LRRK1: variants seen among roughly 807,000 people sequenced by gnomAD.
LRRK1 encodes leucine-rich repeat serine/threonine-protein kinase 1.
A neutral mutation model predicts 209.1 loss-of-function variants in LRRK1; 113 were observed. That is an observed-to-expected ratio of 0.54 (90% CI 0.46 to 0.63). The LOEUF (loss-of-function observed/expected upper bound fraction) is 0.63, where lower values mean the gene tolerates loss of function less well. Ranked by LOEUF, LRRK1 falls within the 30% of genes least tolerant of loss-of-function variation. The probability of loss-of-function intolerance (pLI) is 0.00; values close to 1 mark genes in which losing one functional copy is unlikely to be tolerated. For missense variants in LRRK1, 2,284 were observed against 2,632.2 expected (o/e 0.87, Z 2.89); for synonymous variants, 1,144 against 1,099.7 (o/e 1.04, Z -0.80).
At position 101,015,383 on chromosome 15, in the gene LRRK1, G is replaced by A. The variant is rs754659010; in HGVS notation, c.1590G>A (p.Gln530=). Residue 530 remains glutamine (Q), a synonymous_variant, in exon 12 of 34, where the codon CAG becomes CAA. Transcript: ENST00000388948. ...RIAFFTTRGR[Q]RSGTEAASVL... The stretch of plus-strand genomic sequence containing the variant: ...CCTTTTTCACCACCAGAGGTCGCCA[G>A]CGCTCCGGGACTGAGGCAGGTGTGT... 1.2e-6 allele frequency: 2 copies of A among 1,613,694 alleles called. No individual in the cohort carries two copies. The highest frequency in any genetic ancestry group is 8.5e-7 in the Non-Finnish European group (1 of 1,179,748).
At position 101,027,735 on chromosome 15, in the gene LRRK1, T is replaced by C; in HGVS notation, c.2624T>C (p.Leu875Pro). Residue 875 changes from leucine (L) to proline (P), a missense_variant, in exon 19 of 34, where the codon CTG (leucine) becomes CCG (proline). This residue lies in a region of LRRK1 where 780 missense variants were observed against 985.2 expected (regional missense o/e 0.79). Transcript: ENST00000388948. The surrounding 1 kb of genome is among the most constrained non-coding windows in gnomAD (Gnocchi z 5.1). ...DDVQYLTDRQ[L>P]EQLVEQTPDN... ...GTGCAGTACCTGACGGACAGGCAGC[T>C]GGAGCAGCTGGTGGAGCAGACGCCC... 6.2e-7 allele frequency: 1 copy of C among 1,609,344 alleles called. No homozygotes were observed. Among genetic ancestry groups the C allele is most frequent in the South Asian group, 1.1e-5 (1 of 89,996 alleles).
chr15:100,972,187 T>A (rs556735042), intron 2 of LRRK1, among the ~76,000 whole-genome samples: 2 of 152,156 alleles, frequency 1.3e-5, no homozygotes, highest in East Asian at 3.9e-4. Flanking sequence ...GGTCTCGAAC[T>A]CCTGACCTCA....
At chr15:100,980,999 A>G (rs1030212925) in intron 3 of LRRK1, among the ~76,000 whole-genome samples, 3 of 152,246 alleles carry the variant, frequency 2.0e-5, no homozygotes, top group Admixed American at 6.5e-5. Context: ...TGAAAAAAGC[A>G]TTTGGTTGTA....
intron 2 of LRRK1, among the ~76,000 whole-genome samples, chr15:100,926,788 G>A (rs2042124183): frequency 1.4e-5 from 2 of 142,904 alleles, no homozygotes; most frequent in South Asian, 2.2e-4. Flanking sequence ...AGGTTCAAGT[G>A]ATTCTCCTGC....
chr15:101,030,592 G>A (rs996083676), intron 20 of LRRK1, among the ~76,000 whole-genome samples: 1 of 152,016 alleles, frequency 6.6e-6, no homozygotes, highest in Non-Finnish European at 1.5e-5. Flanking sequence ...CCACGGAACT[G>A]TGCTCAGGGA....
Position 101,008,895 on chromosome 15 carries a change from T to C in LRRK1, c.821T>C (p.Ile274Thr). 1 of 1,614,218 alleles carries C rather than the reference T, an allele frequency of 6.2e-7. No individual in the cohort carries two copies. The highest frequency in any genetic ancestry group is 8.5e-7 in the Non-Finnish European group (1 of 1,180,034). ...CCCTGGGTAGACCTAGACTGGCTCA[T>C]AGACATCTCCTGCCAGATCACGGAG... ...RLPWVDLDWLIDISCQITELD... is the reference protein window; with the variant it reads ...RLPWVDLDWLTDISCQITELD... The change falls in exon 7 of 34, where the codon ATA becomes ACA. Residue 274 changes from isoleucine (I) to threonine (T), a missense_variant. Coordinates refer to ENST00000388948, the MANE Select transcript of LRRK1 (RefSeq NM_024652.6).
chr15:101,045,801 A>T (rs2035041789), intron 20 of LRRK1, among the ~76,000 whole-genome samples, 180 bp from the exon 21 acceptor site: 1 of 152,218 alleles, frequency 6.6e-6, no homozygotes, highest in Non-Finnish European at 1.5e-5. Context: ...ATTTATTCTT[A>T]GCATATAAAC....
chr15:100,949,527 A>G (rs1407158298), intron 2 of LRRK1, among the ~76,000 whole-genome samples: 1 of 152,214 alleles, frequency 6.6e-6, no homozygotes, highest in Non-Finnish European at 1.5e-5. Context: ...AATTCAGTCT[A>G]TGAAACCAGT....
At chr15:100,963,458 C>T (rs1225326218) in intron 2 of LRRK1, among the ~76,000 whole-genome samples, 1 of 152,172 alleles carries the variant, frequency 6.6e-6, no homozygotes, top group Admixed American at 6.5e-5. Context: ...AGCAGAGTCA[C>T]CTCCTTCCTA....
intron 3 of LRRK1, among the ~76,000 whole-genome samples, chr15:100,982,054 G>A (rs548944191): frequency 9.3e-5 from 14 of 149,870 alleles, no homozygotes; most frequent in African/African-American, 3.4e-4. Context: ...GTGTTGATGG[G>A]GGCACTCGCC....
At position 101,034,757 on chromosome 15, in the gene LRRK1, G is replaced by A. The variant is rs561711657; in HGVS notation, c.2963+5525G>A. ...TTCAATCTCTTGTTTGGTTCCATAT[G>A]AATTTTAGAATCCATTATTGATCTG... On this transcript the variant is annotated intron_variant, in intron 20 of 33. Coordinates refer to ENST00000388948, the MANE Select transcript of LRRK1 (RefSeq NM_024652.6). Among the ~76,000 whole-genome samples, 3 of 152,110 alleles carry A rather than the reference G, an allele frequency of 2.0e-5. No homozygotes were observed. The East Asian group carries it at 5.8e-4, about 29-fold the overall frequency.
At chr15:101,052,468 A>G (rs2035518023) in intron 24 of LRRK1, among the ~76,000 whole-genome samples, 1 of 148,108 alleles carries the variant, frequency 6.8e-6, no homozygotes, top group Non-Finnish European at 1.5e-5. Context: ...CTTCTTTGTC[A>G]AACGCTGACT....
chr15:101,062,451 C>T lies in LRRK1; in HGVS notation c.4798-123C>T, dbSNP rs541105353. ...AAACAACCCACCAGAACGTGTCAAT[C>T]CATGTAACTTTCCAAGACCCATAGG... On this transcript the variant is annotated intron_variant, in intron 30 of 33. Coordinates refer to ENST00000388948, the MANE Select transcript of LRRK1 (RefSeq NM_024652.6). 6 of 702,108 alleles carry T rather than the reference C, an allele frequency of 8.5e-6. No homozygotes were observed. In the African/African-American group the frequency reaches 8.8e-5, roughly 10 times the overall value. 43.5% of individuals were successfully genotyped at this position (702,108 alleles called of 1,614,324 possible).
chr15:100,950,076 G>A (rs919520984), intron 2 of LRRK1, among the ~76,000 whole-genome samples: 54 of 152,146 alleles, frequency 3.5e-4, no homozygotes, highest in African/African-American at 1.3e-3. Context: ...TATATTTTCC[G>A]GTGACATCAT....
chr15:101,027,662 C>T lies in LRRK1; in HGVS notation c.2551C>T (p.Gln851Ter). The T allele has an allele frequency of 1.9e-6, 3 of 1,612,992 alleles. No individual in the cohort carries two copies. Among genetic ancestry groups the T allele is most frequent in the Non-Finnish European group, 2.5e-6 (3 of 1,179,658 alleles). ...GATCCCCAGGAGCTACCTGAGCCTG[C>T]AGGAGGCCGTGCTGGCAGAGCAGCA... Reference protein sequence around the residue: ...RLIPRSYLSLQEAVLAEQQRR... With the variant: ...RLIPRSYLSL Residue 851 changes from glutamine (Q) to a stop codon, truncating the protein, a stop_gained, in exon 19 of 34, where the codon CAG (glutamine) becomes TAG (stop). Transcript: ENST00000388948. LOFTEE classifies it high-confidence loss of function. This position sits in a 1 kb window ranked among gnomAD's most constrained non-coding sequence, Gnocchi z 5.1.
chr15:101,063,302 TCCAGTCCCTGCTGGGCC>T (rs1387388887), intron 31 of LRRK1, among the ~76,000 whole-genome samples: 1 of 152,198 alleles, frequency 6.6e-6, no homozygotes, highest in Admixed American at 6.5e-5. Flanking sequence ...GAGGCTGGCC[TCCAGTCCCTGCTGGGCC>T]CGGCACCCTC....
At chr15:100,994,463 C>T (rs192353457) in intron 6 of LRRK1, among the ~76,000 whole-genome samples, 28 of 152,276 alleles carry the variant, frequency 1.8e-4, no homozygotes, top group South Asian at 4.2e-4. Flanking sequence ...CCAGTGGCTC[C>T]GATTTTCTTG....
chr15:101,016,176 G>A (rs532286282), intron 12 of LRRK1, among the ~76,000 whole-genome samples: 5 of 152,126 alleles, frequency 3.3e-5, no homozygotes, highest in East Asian at 1.9e-4. Context: ...TTTTGGAGAT[G>A]AGCCACTGTG....
chr15:100,956,458 T>TTTCTTTTTTTTTCTTTTC (rs1289894870), intron 2 of LRRK1, among the ~76,000 whole-genome samples: 1 of 123,978 alleles, frequency 8.1e-6, no homozygotes, highest in Admixed American at 8.7e-5. Context: ...TTTTTTTCTT[T>TTTCTTTTTTTTTCTTTTC]TTTTTTTTTT....
Sources: gnomAD v4.1 joint callset for allele counts (sites outside exome capture counted in the v4.1 genomes callset) on GRCh38, gnomAD v4.1.1 for gene constraint, gnomAD v4.1.1 regional missense constraint, Gnocchi (gnomAD v3.1) non-coding constraint, MANE v1.5 for transcripts, NCBI Gene and HGNC (gene_info 2026-07-23, HGNC 2026-07-21) for gene names.